PVT1: variants seen among roughly 807,000 people sequenced by gnomAD.
The protein encoded by PVT1 is CXCR4/PVT1 fusion.
At chr8:128,053,444 T>C (rs1813723533) in intron 4 of PVT1, among the ~76,000 whole-genome samples, 1 of 149,464 alleles carries the variant, frequency 6.7e-6, no homozygotes, top group South Asian at 2.1e-4. Context: ...GTGTATTTTA[T>C]ATATATGGGT....
intron 4 of PVT1, among the ~76,000 whole-genome samples, chr8:128,043,850 TA>T (rs1563673940): frequency 4.1e-5 from 6 of 146,820 alleles, no homozygotes; most frequent in African/African-American, 1.5e-4. Flanking sequence ...TTTTTTTTTT[TA>T]AAGACAGGGT....
chr8:127,846,086 G>A (rs7000024), intron 2 of PVT1, among the ~76,000 whole-genome samples: 1 of 152,150 alleles, frequency 6.6e-6, no homozygotes, highest in Non-Finnish European at 1.5e-5. Context: ...AGCACACATC[G>A]TGGACCCCTC....
At chr8:127,883,713 G>C (rs540319816) in intron 2 of PVT1, among the ~76,000 whole-genome samples, 1 of 152,308 alleles carries the variant, frequency 6.6e-6, no homozygotes, top group South Asian at 2.1e-4. Context: ...GACAGATTTG[G>C]TCCTGACAGC....
chr8:127,858,801 G>GTTTTT (rs1815188498), intron 2 of PVT1, among the ~76,000 whole-genome samples: 1 of 65,148 alleles, frequency 1.5e-5, no homozygotes, highest in Non-Finnish European at 3.4e-5. Context: ...TACACTTGAA[G>GTTTTT]ATTCTTTTTT....
intron 2 of PVT1, among the ~76,000 whole-genome samples, chr8:127,853,367 C>T (rs1313055579): frequency 1.3e-5 from 2 of 152,064 alleles, no homozygotes; most frequent in Admixed American, 1.3e-4. Flanking sequence ...GCAGTGGAGG[C>T]CCCCCACGAG....
At chr8:127,808,599 G>A (rs1814554944) in intron 2 of PVT1, among the ~76,000 whole-genome samples, 1 of 152,162 alleles carries the variant, frequency 6.6e-6, no homozygotes, top group African/African-American at 2.4e-5. Context: ...CCTTTTTGTT[G>A]GGTAGATGGT....
At chr8:127,894,874 C>CT (rs1815656377) in intron 3 of PVT1, among the ~76,000 whole-genome samples, 2 of 152,204 alleles carry the variant, frequency 1.3e-5, no homozygotes, top group Non-Finnish European at 2.9e-5. Flanking sequence ...TGTGTCATGT[C>CT]TGCTGATTCT....
At chr8:127,920,347 A>G (rs935088523) in intron 3 of PVT1, among the ~76,000 whole-genome samples, 1 of 152,228 alleles carries the variant, frequency 6.6e-6, no homozygotes, top group African/African-American at 2.4e-5. Context: ...CCCCAGGCTC[A>G]TTGAAGACTC....
chr8:127,998,818 C>CCCTTCCTTCCCTCCTTCCTTCCTTCCTT (rs761730105), intron 4 of PVT1, among the ~76,000 whole-genome samples: 112 of 120,698 alleles, frequency 9.3e-4, no homozygotes, highest in African/African-American at 3.5e-3. Context: ...TCTCCTCCTC[C>CCCTTCCTTCCCTCCTTCCTTCCTTCCTT]CCTTCCTTCC....
At chr8:127,857,188 T>G (rs1815171296) in intron 2 of PVT1, among the ~76,000 whole-genome samples, 1 of 152,142 alleles carries the variant, frequency 6.6e-6, no homozygotes, top group Admixed American at 6.5e-5. Context: ...ATTGTGCCAC[T>G]GTACTCCACC....
At chr8:127,973,347 C>A (rs1206151558) in intron 3 of PVT1, among the ~76,000 whole-genome samples, 1 of 152,154 alleles carries the variant, frequency 6.6e-6, no homozygotes, top group African/African-American at 2.4e-5. Flanking sequence ...GCGACTACTG[C>A]CAGGAGCTAC....
At chr8:127,953,649 A>T (rs140919762) in intron 3 of PVT1, among the ~76,000 whole-genome samples, 33 of 152,344 alleles carry the variant, frequency 2.2e-4, no homozygotes, top group African/African-American at 7.5e-4. Context: ...CAGATAAAAA[A>T]GCTGAGACTG....
intron 3 of PVT1, among the ~76,000 whole-genome samples, chr8:127,902,349 C>T (rs76284480): frequency 0.01 from 1,532 of 151,974 alleles, 17 homozygotes; most frequent in African/African-American, 0.032. Flanking sequence ...TACTTGGTTC[C>T]GGCTGTGTGC....
chr8:127,954,793 C>T (rs1816549864), intron 3 of PVT1, among the ~76,000 whole-genome samples: 1 of 152,212 alleles, frequency 6.6e-6, no homozygotes, highest in Non-Finnish European at 1.5e-5. Flanking sequence ...TGCTCTGCAA[C>T]TGGTGCTCGG....
chr8:127,839,687 G>A (rs559323018), intron 2 of PVT1, among the ~76,000 whole-genome samples: 7 of 152,080 alleles, frequency 4.6e-5, no homozygotes, highest in African/African-American at 1.2e-4. Flanking sequence ...TCATGAGCCC[G>A]TGCATCAGTC....
chr8:127,842,354 C>T (rs952535949), intron 2 of PVT1, among the ~76,000 whole-genome samples: 31 of 151,740 alleles, frequency 2.0e-4, no homozygotes, highest in African/African-American at 6.8e-4. Context: ...TCCTGGGATC[C>T]AGTGATCCTC....
intron 2 of PVT1, among the ~76,000 whole-genome samples, chr8:127,832,420 G>C (rs1384517094): frequency 6.6e-6 from 1 of 152,178 alleles, no homozygotes; most frequent in Non-Finnish European, 1.5e-5. Flanking sequence ...GACAGATAAG[G>C]TATCATCAAC....
intron 2 of PVT1, among the ~76,000 whole-genome samples, chr8:127,860,784 A>AAAAAAAG (rs777898921): frequency 7.0e-6 from 1 of 143,390 alleles, no homozygotes; most frequent in Non-Finnish European, 1.5e-5. Flanking sequence ...AAAAAAAAAA[A>AAAAAAAG]GGAGAAGACA....
At chr8:128,079,951 C>T (rs1007757801) in intron 5 of PVT1, among the ~76,000 whole-genome samples, 7 of 152,152 alleles carry the variant, frequency 4.6e-5, no homozygotes, top group African/African-American at 7.2e-5. Context: ...GTTTCAATCT[C>T]GTGACCTCGT....
Sources: gnomAD v4.1 joint callset for allele counts (sites outside exome capture counted in the v4.1 genomes callset) on GRCh38, gnomAD v4.1.1 for gene constraint, MANE v1.5 for transcripts, NCBI Gene and HGNC (gene_info 2026-07-23, HGNC 2026-07-21) for gene names.